Variants in IL34 observed in about 807,000 individuals in gnomAD.
IL34 encodes interleukin 34, also known as interleukin-34.
In IL34, 17 loss-of-function variants were observed where a neutral mutation model predicts 25.3. The observed-to-expected ratio is 0.67, with a 90% CI of 0.46 to 1.01. The LOEUF (loss-of-function observed/expected upper bound fraction) is 1.01, where lower values mean the gene tolerates loss of function less well. Among genes scored for constraint, IL34 ranks in the 50% least tolerant of loss-of-function variants. The probability of loss-of-function intolerance (pLI) is 0.00; values close to 1 mark genes in which losing one functional copy is unlikely to be tolerated. For synonymous variants in IL34, 174 were observed against 140.9 expected, an observed-to-expected ratio of 1.23 and a Z score of -1.66; for missense variants, 368 against 312.9, an observed-to-expected ratio of 1.18 and a Z score of -1.33.
At chr16:70,648,544 CCTGT>C (rs1222427007) in intron 1 of IL34, among the ~76,000 whole-genome samples, 2 of 112,930 alleles carry the variant, frequency 1.8e-5, no homozygotes, top group Non-Finnish European at 3.3e-5. Flanking sequence ...AGGGTGAGAC[CCTGT>C]CTTTAAAAAA....
intron 1 of IL34, among the ~76,000 whole-genome samples, chr16:70,614,481 G>A (rs1390488507): frequency 6.6e-6 from 1 of 152,214 alleles, no homozygotes. Context: ...GCCCGCTGAG[G>A]TTTGAGAAGC....
intron 1 of IL34, among the ~76,000 whole-genome samples, chr16:70,649,621 G>A (rs1218086367): frequency 6.6e-6 from 1 of 152,052 alleles, no homozygotes; most frequent in African/African-American, 2.4e-5. Context: ...ATTTGGAGGA[G>A]ATGCTATTTA....
intron 1 of IL34, among the ~76,000 whole-genome samples, chr16:70,586,540 A>G (rs1223068895): frequency 6.6e-6 from 1 of 152,154 alleles, no homozygotes; most frequent in Non-Finnish European, 1.5e-5. Context: ...TGGGTGACAG[A>G]GCAAGACCCA....
chr16:70,632,644 C>T (rs1327982754), intron 1 of IL34, among the ~76,000 whole-genome samples: 1 of 152,076 alleles, frequency 6.6e-6, no homozygotes, highest in Admixed American at 6.5e-5. Context: ...TGGTGCTGCA[C>T]AGAGACCATG....
At chr16:70,607,991 C>T (rs1362770381) in intron 1 of IL34, among the ~76,000 whole-genome samples, 2 of 152,020 alleles carry the variant, frequency 1.3e-5, no homozygotes, top group African/African-American at 4.8e-5. Context: ...TGGTCCCGAA[C>T]TCCTGACCTT....
intron 1 of IL34, among the ~76,000 whole-genome samples, chr16:70,652,332 A>G (rs1479188790): frequency 6.6e-6 from 1 of 151,314 alleles, no homozygotes; most frequent in African/African-American, 2.4e-5. Context: ...TGGTGGTGGC[A>G]CCTGTAGTAC....
In IL34 at chr16:70,646,929, G is replaced by T; in HGVS notation, c.-19G>T. 1 of 1,480,250 alleles carries T rather than the reference G, an allele frequency of 6.8e-7. No homozygotes were observed. The allele number at this position is 1,480,250 out of a possible 1,614,324, so 91.7% of individuals were successfully genotyped here. ...CTGGGGACGGCGCCTGAGCTCTCAGGGGGACGAGGAACACCACCATGCCCC... is the reference window on the plus strand; with the variant it reads ...CTGGGGACGGCGCCTGAGCTCTCAGTGGGACGAGGAACACCACCATGCCCC... On this transcript the variant is annotated 5_prime_UTR_variant, in exon 1 of 6. Coordinates refer to ENST00000288098, the MANE Select transcript of IL34 (RefSeq NM_001393494.1).
At chr16:70,615,406 T>C (rs1445549735) in intron 1 of IL34, among the ~76,000 whole-genome samples, 1 of 150,714 alleles carries the variant, frequency 6.6e-6, no homozygotes, top group Non-Finnish European at 1.5e-5. Context: ...ACTCAGGAGG[T>C]TGAGGCAGGA....
At chr16:70,638,425 A>G (rs1230821752) in intron 1 of IL34, among the ~76,000 whole-genome samples, 1 of 151,434 alleles carries the variant, frequency 6.6e-6, no homozygotes, top group Non-Finnish European at 1.5e-5. Context: ...AACAGAGTGA[A>G]GATCCTATCA....
intron 1 of IL34, among the ~76,000 whole-genome samples, chr16:70,621,055 G>A (rs945498501): frequency 6.6e-6 from 1 of 152,136 alleles, no homozygotes; most frequent in African/African-American, 2.4e-5. Context: ...AAGAGTTTGG[G>A]TGTGGAAATA....
At chr16:70,649,204 T>C (rs1216005182) in intron 1 of IL34, among the ~76,000 whole-genome samples, 1 of 152,120 alleles carries the variant, frequency 6.6e-6, no homozygotes, top group Non-Finnish European at 1.5e-5. Flanking sequence ...GAAGAGATGT[T>C]ATAGCTCTGT....
At chr16:70,625,046 A>T (rs1022162608) in intron 1 of IL34, among the ~76,000 whole-genome samples, 5 of 152,134 alleles carry the variant, frequency 3.3e-5, no homozygotes, top group African/African-American at 1.2e-4. Flanking sequence ...AGAATTATTT[A>T]GATTTTGCAG....
At chr16:70,635,135 T>G (rs2051612712) in intron 1 of IL34, among the ~76,000 whole-genome samples, 1 of 152,068 alleles carries the variant, frequency 6.6e-6, no homozygotes, top group Non-Finnish European at 1.5e-5. Flanking sequence ...TGGGTCAGAG[T>G]CTAGGTATGT....
chr16:70,657,235 G>A, intron 4 of IL34, 114 bp downstream of exon 4: 1 of 1,110,978 alleles, frequency 9.0e-7, no homozygotes. Flanking sequence ...CGGAAAGATG[G>A]GCACAAGCAG....
intron 1 of IL34, among the ~76,000 whole-genome samples, chr16:70,611,598 G>C (rs1597746060): frequency 6.6e-6 from 1 of 151,066 alleles, no homozygotes; most frequent in South Asian, 2.1e-4. Flanking sequence ...AGACTAGCCT[G>C]GGGCAACATG....
At chr16:70,631,399 G>A (rs1221819214) in intron 1 of IL34, among the ~76,000 whole-genome samples, 1 of 138,870 alleles carries the variant, frequency 7.2e-6, no homozygotes, top group East Asian at 2.1e-4. Context: ...GTTTTCCCAT[G>A]GAGTTAGAAA....
chr16:70,619,835 C>T (rs2051242822), intron 1 of IL34, among the ~76,000 whole-genome samples: 1 of 152,168 alleles, frequency 6.6e-6, no homozygotes, highest in Admixed American at 6.5e-5. Context: ...GTCCGATTTT[C>T]AGTGGGGTCC....
intron 1 of IL34, among the ~76,000 whole-genome samples, chr16:70,601,741 C>T (rs915896078): frequency 3.3e-5 from 5 of 152,170 alleles, no homozygotes; most frequent in Non-Finnish European, 7.4e-5. Context: ...TGCTGGGTTT[C>T]CCAGCAGCCC....
chr16:70,652,192 A>G (rs1232466129), intron 1 of IL34, among the ~76,000 whole-genome samples: 1 of 152,154 alleles, frequency 6.6e-6, no homozygotes, highest in African/African-American at 2.4e-5. Flanking sequence ...GTGGTGGCTC[A>G]TGCCTGTAAT....
Sources: gnomAD v4.1 joint callset for allele counts (sites outside exome capture counted in the v4.1 genomes callset) on GRCh38, gnomAD v4.1.1 for gene constraint, MANE v1.5 for transcripts, NCBI Gene and HGNC (gene_info 2026-07-23, HGNC 2026-07-21) for gene names.